DTNA: variants seen among roughly 807,000 people sequenced by gnomAD.
DTNA encodes dystrobrevin alpha, also known as dystrophin-related protein 3.
DTNA carries 43 observed loss-of-function variants against 100.7 expected under a neutral mutation model. The ratio of observed to expected loss-of-function variants is 0.43; its 90% CI spans 0.33 to 0.55. The LOEUF (loss-of-function observed/expected upper bound fraction) is 0.55, where lower values mean the gene tolerates loss of function less well. Ranked by LOEUF, DTNA falls within the 20% of genes least tolerant of loss-of-function variation. The pLI is 0.04. For synonymous variants in DTNA, 349 were observed against 347.9 expected (o/e 1.00, Z -0.04); for missense variants, 798 against 953.9 (o/e 0.84, Z 2.15).
intron 1 of DTNA, among the ~76,000 whole-genome samples, chr18:34,684,497 A>G (rs529521120): frequency 2.6e-5 from 4 of 152,124 alleles, no homozygotes; most frequent in East Asian, 1.9e-4. Flanking sequence ...TTTTGGCTAC[A>G]TATTATTCCA....
intron 1 of DTNA, among the ~76,000 whole-genome samples, chr18:34,652,852 A>G (rs561120157): frequency 5.9e-5 from 9 of 152,304 alleles, no homozygotes; most frequent in Admixed American, 4.6e-4. Flanking sequence ...CCAATCTATC[A>G]TCGGGTAATG....
At chr18:34,559,392 G>C (rs981226777) in intron 1 of DTNA, among the ~76,000 whole-genome samples, 1 of 152,218 alleles carries the variant, frequency 6.6e-6, no homozygotes, top group Non-Finnish European at 1.5e-5. Flanking sequence ...AATACTGAAT[G>C]GGCGTTTAAA....
chr18:34,753,584 G>A (rs1436371055), intron 1 of DTNA, among the ~76,000 whole-genome samples: 3 of 141,694 alleles, frequency 2.1e-5, no homozygotes, highest in East Asian at 2.0e-4. Context: ...GGGTTTCACC[G>A]TTTTAGCTGG....
At chr18:34,836,787 T>G (rs951339508) in intron 11 of DTNA, among the ~76,000 whole-genome samples, 3 of 152,142 alleles carry the variant, frequency 2.0e-5, no homozygotes, top group African/African-American at 7.2e-5. Context: ...ATGTCTACTC[T>G]TTGCTAGTCA....
At chr18:34,719,351 AAAAAAAT>A (rs904316483) in intron 1 of DTNA, among the ~76,000 whole-genome samples, 19 of 121,142 alleles carry the variant, frequency 1.6e-4, no homozygotes, top group African/African-American at 7.4e-4. Flanking sequence ...CTCAAAAAAT[AAAAAAAT>A]AAAAAAATAA....
At chr18:34,795,126 A>G (rs1015928313) in intron 4 of DTNA, among the ~76,000 whole-genome samples, 3 of 152,158 alleles carry the variant, frequency 2.0e-5, no homozygotes, top group African/African-American at 7.2e-5. Flanking sequence ...AAAAAGGAAA[A>G]TTGCTAACCT....
chr18:34,672,836 G>T (rs1231457305), intron 1 of DTNA, among the ~76,000 whole-genome samples: 1 of 152,072 alleles, frequency 6.6e-6, no homozygotes, highest in African/African-American at 2.4e-5. Flanking sequence ...GTCTGTGTGT[G>T]TGTATAACTG....
At chr18:34,667,474 G>T (rs1401497022) in intron 1 of DTNA, among the ~76,000 whole-genome samples, 3 of 152,308 alleles carry the variant, frequency 2.0e-5, no homozygotes, top group African/African-American at 7.2e-5. Flanking sequence ...AAAAGGAGTG[G>T]TGAGAGAGGG....
intron 1 of DTNA, among the ~76,000 whole-genome samples, chr18:34,747,090 A>C (rs1320129334): frequency 8.5e-6 from 1 of 118,228 alleles, no homozygotes; most frequent in Admixed American, 1.0e-4. Context: ...CCATATCTAT[A>C]TCTATATCTG....
intron 1 of DTNA, among the ~76,000 whole-genome samples, chr18:34,559,324 A>G (rs1284336411): frequency 6.6e-6 from 1 of 152,266 alleles, no homozygotes; most frequent in African/African-American, 2.4e-5. Flanking sequence ...TGAGCAACTG[A>G]ATCAAGTTCT....
chr18:34,836,047 G>T (rs1190319143), intron 11 of DTNA, among the ~76,000 whole-genome samples: 8 of 152,180 alleles, frequency 5.3e-5, no homozygotes, highest in South Asian at 4.1e-4. Flanking sequence ...TCTATCTTTA[G>T]TTACAAAAAA....
intron 3 of DTNA, among the ~76,000 whole-genome samples, chr18:34,768,043 C>A (rs560217675): frequency 3.9e-5 from 6 of 152,140 alleles, no homozygotes; most frequent in Non-Finnish European, 8.8e-5. Context: ...GAAGAAGTTT[C>A]CTCTTCCCCT....
chr18:34,867,154 A>G (rs753410947), intron 17 of DTNA: 26 of 1,231,212 alleles, frequency 2.1e-5, no homozygotes, highest in Middle Eastern at 3.1e-4. Flanking sequence ...AACCTGTCCA[A>G]TTTCAACGTA....
rs373473394 is a variant in DTNA at position 34,517,329 on chromosome 18, G to T, written c.-2+23815G>T. On this transcript the variant is annotated intron_variant, in intron 1 of 19. Coordinates refer to the DTNA transcript ENST00000283365. ...ATGCAGTTGCAGTAAATAATACAGA[G>T]GTCCCATGAACTTGTCACCCAATTT... Among the ~76,000 whole-genome samples, 27 of 152,192 alleles carry T rather than the reference G, an allele frequency of 1.8e-4. No homozygotes were observed. The East Asian group carries it at 4.1e-3, about 23-fold the overall frequency.
At chr18:34,820,705 A>G (rs2095693120) in intron 8 of DTNA, 86 bp from the exon 9 acceptor site, 1 of 1,592,782 alleles carries the variant, frequency 6.3e-7, no homozygotes, top group Non-Finnish European at 8.6e-7. Flanking sequence ...TCCGTAAATG[A>G]ATATCTATTA....
At chr18:34,659,976 A>G (rs952967143) in intron 1 of DTNA, among the ~76,000 whole-genome samples, 1 of 152,242 alleles carries the variant, frequency 6.6e-6, no homozygotes, top group African/African-American at 2.4e-5. Flanking sequence ...TTTTCAAAAC[A>G]AAAGTATAAT....
intron 1 of DTNA, among the ~76,000 whole-genome samples, chr18:34,567,671 G>A (rs922834584): frequency 1.3e-4 from 19 of 151,950 alleles, no homozygotes; most frequent in Admixed American, 7.9e-4. Context: ...ACCATGCAAT[G>A]TTATAGATCT....
At chr18:34,796,523 G>A (rs1245782752) in intron 4 of DTNA, among the ~76,000 whole-genome samples, 2 of 152,174 alleles carry the variant, frequency 1.3e-5, no homozygotes, top group African/African-American at 2.4e-5. Flanking sequence ...ACTACTAAAA[G>A]AAAGATGTGC....
At chr18:34,866,109 A>G in intron 17 of DTNA, 1 of 1,614,096 alleles carries the variant, frequency 6.2e-7, no homozygotes, top group Non-Finnish European at 8.5e-7. Context: ...ATCTTTCTGT[A>G]GGAAGAAGAA....
Sources: gnomAD v4.1 joint callset for allele counts (sites outside exome capture counted in the v4.1 genomes callset) on GRCh38, gnomAD v4.1.1 for gene constraint, MANE v1.5 for transcripts, NCBI Gene and HGNC (gene_info 2026-07-23, HGNC 2026-07-21) for gene names.